Variants in BTC observed in about 807,000 individuals in gnomAD.
BTC encodes betacellulin.
A neutral mutation model predicts 18.1 loss-of-function variants in BTC; 13 were observed. That is an observed-to-expected ratio of 0.72 (90% CI 0.47 to 1.14). BTC has a LOEUF of 1.14. Ranked by LOEUF, BTC falls within the 50% of genes most tolerant of loss-of-function variation. The pLI, the probability that BTC is intolerant of heterozygous loss-of-function variation, is 0.00. For missense variants in BTC, 247 were observed against 224.2 expected, an observed-to-expected ratio of 1.10 and a Z score of -0.65; for synonymous variants, 83 against 79.4, an observed-to-expected ratio of 1.05 and a Z score of -0.24.
intron 2 of BTC, among the ~76,000 whole-genome samples, chr4:74,766,921 C>T (rs1577958153): frequency 6.6e-6 from 1 of 151,900 alleles, no homozygotes; most frequent in Non-Finnish European, 1.5e-5. Context: ...AAGGAAATTA[C>T]CCCAAAATAA....
At chr4:74,765,777 A>G (rs985584364) in intron 2 of BTC, among the ~76,000 whole-genome samples, 1 of 152,128 alleles carries the variant, frequency 6.6e-6, no homozygotes, top group Non-Finnish European at 1.5e-5. Context: ...CCTCCATCAC[A>G]CTCAGTGGAT....
intron 1 of BTC, among the ~76,000 whole-genome samples, chr4:74,786,547 C>T (rs1293433133): frequency 2.0e-5 from 3 of 152,196 alleles, no homozygotes; most frequent in Admixed American, 6.5e-5. Flanking sequence ...TAATACTAAA[C>T]ATAAACCCAT....
At chr4:74,788,392 G>C (rs939632867) in intron 1 of BTC, among the ~76,000 whole-genome samples, 1 of 152,102 alleles carries the variant, frequency 6.6e-6, no homozygotes, top group African/African-American at 2.4e-5. Context: ...AATCACTCCA[G>C]CCTGTAATAA....
chr4:74,787,196 T>TA (rs1467029802), intron 1 of BTC, among the ~76,000 whole-genome samples: 2 of 152,210 alleles, frequency 1.3e-5, no homozygotes. Context: ...GTTATGCAAC[T>TA]AGCTCATCAC....
At chr4:74,776,571 A>G (rs1725181088) in intron 1 of BTC, among the ~76,000 whole-genome samples, 1 of 152,200 alleles carries the variant, frequency 6.6e-6, no homozygotes, top group Non-Finnish European at 1.5e-5. Flanking sequence ...TATTATCCCC[A>G]TCAGTCAGCA....
chr4:74,780,104 GA>G (rs1214601388), intron 1 of BTC, among the ~76,000 whole-genome samples: 1 of 152,136 alleles, frequency 6.6e-6, no homozygotes, highest in Non-Finnish European at 1.5e-5. Context: ...TACAAAAAAG[GA>G]TTAAGAAACA....
Position 74,759,664 on chromosome 4 carries a change from A to G in BTC, c.164-3688T>C, listed in dbSNP as rs10470942. On this transcript the variant is annotated intron_variant, in intron 2 of 5. Transcript: ENST00000395743. ...AAGACATGACATTTAAGTTAAAAAA[A>G]AAAAAAGAAACCTTTAGGGTTACTG... is the stretch of plus-strand genomic sequence containing the variant. Among the ~76,000 whole-genome samples, 1,134 of 152,204 alleles carry G rather than the reference A, an allele frequency of 7.5e-3. 16 individuals carry two copies. The highest frequency in any genetic ancestry group is 0.026 in the African/African-American group (1,082 of 41,554).
intron 1 of BTC, among the ~76,000 whole-genome samples, chr4:74,782,046 C>A (rs1484134414): frequency 6.6e-6 from 1 of 152,096 alleles, no homozygotes; most frequent in African/African-American, 2.4e-5. Context: ...ATGCCAGGCA[C>A]TATGCTAGAC....
intron 5 of BTC, 82 bp from the exon 6 acceptor site, chr4:74,746,757 A>G (rs1421870938): frequency 6.6e-6 from 1 of 151,076 alleles, no homozygotes; most frequent in Non-Finnish European, 1.5e-5. Context: ...ATCCAGAGCC[A>G]GCCATTTTGT....
At chr4:74,767,779 G>A (rs1019364668) in intron 2 of BTC, among the ~76,000 whole-genome samples, 2 of 151,924 alleles carry the variant, frequency 1.3e-5, no homozygotes, top group African/African-American at 2.4e-5. Flanking sequence ...CTAACAATAC[G>A]CAATGAGGAA....
chr4:74,748,466 G>T (rs1416314558), intron 4 of BTC, among the ~76,000 whole-genome samples: 1 of 151,980 alleles, frequency 6.6e-6, no homozygotes, highest in Non-Finnish European at 1.5e-5. Flanking sequence ...AACCCGGGAG[G>T]CGGAGCTTGC....
intron 2 of BTC, among the ~76,000 whole-genome samples, chr4:74,759,335 G>C (rs576992661): frequency 6.4e-4 from 97 of 152,174 alleles, no homozygotes; most frequent in African/African-American, 1.9e-3. Flanking sequence ...TATCCCTCTG[G>C]TCCTAGAGGT....
chr4:74,787,800 T>C (rs530093871), intron 1 of BTC, among the ~76,000 whole-genome samples: 4 of 152,318 alleles, frequency 2.6e-5, no homozygotes, highest in Non-Finnish European at 4.4e-5. Context: ...GTCTTTTTTT[T>C]CCCAGGTGCT....
rs1360068748 is a variant in BTC at position 74,746,085 on chromosome 4, C to T, written c.*592G>A. On this transcript the variant is annotated 3_prime_UTR_variant, in exon 6 of 6. Coordinates refer to ENST00000395743, the MANE Select transcript of BTC (RefSeq NM_001729.4). ...GTTATATTATTGAGTTAGGTTGCACCGATTCAGACTAACAAAAATGATGGT... is the reference window on the plus strand; with the variant it reads ...GTTATATTATTGAGTTAGGTTGCACTGATTCAGACTAACAAAAATGATGGT... 1 of 152,048 alleles carries T rather than the reference C, an allele frequency of 6.6e-6. No homozygotes were observed. The highest frequency in any genetic ancestry group is 2.4e-5 in the African/African-American group (1 of 41,406). The allele number at this position is 152,048 out of a possible 1,614,324, so 9.4% of individuals were successfully genotyped here. A position where few individuals can be genotyped will look rare whatever the true frequency, so the allele number is the denominator to read the frequency against.
chr4:74,789,054 C>T (rs370674244), intron 1 of BTC, among the ~76,000 whole-genome samples: 105 of 152,350 alleles, frequency 6.9e-4, no homozygotes, highest in African/African-American at 2.3e-3. Context: ...TGAGAAGCTA[C>T]TGACCTAGAA....
intron 1 of BTC, among the ~76,000 whole-genome samples, chr4:74,770,913 GTA>G (rs1479315345): frequency 1.4e-3 from 185 of 135,036 alleles, no homozygotes; most frequent in Non-Finnish European, 1.8e-3. Flanking sequence ...TCTATATCGT[GTA>G]TGTGTGTGTG....
At chr4:74,782,406 T>C (rs1055786174) in intron 1 of BTC, among the ~76,000 whole-genome samples, 3 of 152,166 alleles carry the variant, frequency 2.0e-5, no homozygotes, top group African/African-American at 7.2e-5. Flanking sequence ...CTTCCAACTT[T>C]TTCATGTCCA....
At chr4:74,776,330 T>C (rs1725175232) in intron 1 of BTC, among the ~76,000 whole-genome samples, 1 of 152,172 alleles carries the variant, frequency 6.6e-6, no homozygotes, top group Non-Finnish European at 1.5e-5. Flanking sequence ...ACCTGAAGAA[T>C]TTCTCAGGTG....
At chr4:74,788,380 CT>C (rs1167556484) in intron 1 of BTC, among the ~76,000 whole-genome samples, 1 of 152,186 alleles carries the variant, frequency 6.6e-6, no homozygotes, top group African/African-American at 2.4e-5. Flanking sequence ...GAATTTTCCC[CT>C]AATCACTCCA....
Sources: allele counts gnomAD v4.1 joint callset (sites outside exome capture counted in the v4.1 genomes callset), GRCh38; gene constraint gnomAD v4.1.1; transcripts MANE v1.5; gene names NCBI Gene and HGNC (gene_info 2026-07-23, HGNC 2026-07-21).